TAPBPL: variants seen among roughly 807,000 people sequenced by gnomAD.
TAPBPL encodes the protein tapasin-related protein.
A neutral mutation model predicts 44.8 loss-of-function variants in TAPBPL; 32 were observed. The observed-to-expected ratio is 0.71, with a 90% CI of 0.54 to 0.96. The LOEUF is 0.96. TAPBPL is among the 40% of genes least tolerant of loss of function. The probability of loss-of-function intolerance (pLI) is 0.00; values close to 1 mark genes in which losing one functional copy is unlikely to be tolerated. For missense variants in TAPBPL, 520 were observed against 586.6 expected (o/e 0.89, Z 1.17); for synonymous variants, 230 against 240.7 (o/e 0.96, Z 0.41).
At chr12:6,457,799 G>T in intron 4 of TAPBPL, 55 bp downstream of exon 4, 1 of 1,467,606 alleles carries the variant, frequency 6.8e-7, no homozygotes, top group Non-Finnish European at 9.1e-7. Context: ...TCTACTGGGA[G>T]CGTTTCCAGA....
At chr12:6,455,760 CCT>C (rs1949687212) in intron 3 of TAPBPL, among the ~76,000 whole-genome samples, 2 of 121,154 alleles carry the variant, frequency 1.7e-5, no homozygotes, top group Middle Eastern at 4.1e-3. Context: ...AGAGCGAGAC[CCT>C]CTTTTTTTTT....
chr12:6,470,649 C>T (rs571477074), downstream of TAPBPL: 15 of 1,362,656 alleles, frequency 1.1e-5, no homozygotes, highest in Non-Finnish European at 1.5e-5. Context: ...CGCCGACTAC[C>T]CCGCGGTCTA....
intron 3 of TAPBPL, among the ~76,000 whole-genome samples, chr12:6,455,177 ATG>A (rs557906710): frequency 6.6e-6 from 1 of 152,094 alleles, no homozygotes; most frequent in Non-Finnish European, 1.5e-5. Flanking sequence ...CCGACTCCTC[ATG>A]TGTGTATATG....
In TAPBPL at chr12:6,457,458, C is replaced by T; in HGVS notation, c.618C>T (p.Ser206=). 6.2e-7 allele frequency: 1 copy of T among 1,614,178 alleles called. No homozygotes were observed. Among genetic ancestry groups the T allele is most frequent in the Non-Finnish European group, 8.5e-7 (1 of 1,179,992 alleles). ...AATCCCTGAGCTTCCTGCTGGGGTC[C>T]TCAGCCTCCTTGGACTGTGGCTTCT... ...QTQSLSFLLG[S]SASLDCGFSM... Residue 206 remains serine, a synonymous_variant, in exon 4 of 7, where the codon TCC becomes TCT. Transcript: ENST00000266556.
downstream of TAPBPL, chr12:6,470,533 T>C (rs760925723): frequency 1.2e-6 from 2 of 1,614,014 alleles, no homozygotes; most frequent in Non-Finnish European, 1.7e-6. Flanking sequence ...AACTCACATT[T>C]TTCTGACAGA....
At chr12:6,464,671 C>T (rs1949958753), downstream of TAPBPL, 4 of 1,470,384 alleles carry the variant, frequency 2.7e-6, no homozygotes, top group Middle Eastern at 2.4e-4. Flanking sequence ...GAACAGGAGG[C>T]GCCATCTCCC....
chr12:6,454,259 A>T (rs889184297), intron 3 of TAPBPL, among the ~76,000 whole-genome samples: 1 of 151,992 alleles, frequency 6.6e-6, no homozygotes, highest in Non-Finnish European at 1.5e-5. Flanking sequence ...ACCTGAGGTC[A>T]GGAGTTCAAG....
Position 6,452,300 on chromosome 12 carries a change from G to A in TAPBPL, c.52G>A (p.Ala18Thr). The A allele has an allele frequency of 1.9e-6, 3 of 1,575,218 alleles. No individual in the cohort carries two copies. Among genetic ancestry groups the A allele is most frequent in the Non-Finnish European group, 2.6e-6 (3 of 1,160,932 alleles). The change falls in exon 1 of 7, where the codon GCA becomes ACA. Residue 18 changes from alanine to threonine, a missense_variant. Coordinates refer to ENST00000266556, the MANE Select transcript of TAPBPL (RefSeq NM_018009.5). ...GCTGCTCTGCCTGGCTCTATCTGGA[G>A]CAGCAGAAACCAGTGAGTCTGGGAG... is the stretch of plus-strand genomic sequence containing the variant. ...CLLLCLALSG[A>T]AETKPHPAEG... is the part of the protein sequence containing the mutation.
At chr12:6,455,347 G>A (rs1458488787) in intron 3 of TAPBPL, among the ~76,000 whole-genome samples, 1 of 152,180 alleles carries the variant, frequency 6.6e-6, no homozygotes, top group Non-Finnish European at 1.5e-5. Context: ...ATCCTTCATA[G>A]TTACAAAGCC....
intron 1 of TAPBPL, 125 bp downstream of exon 1, chr12:6,452,437 C>A: frequency 2.1e-6 from 3 of 1,461,980 alleles, no homozygotes; most frequent in Non-Finnish European, 2.7e-6. Context: ...CTAAGCCCAA[C>A]AGGGGAAAGG....
At position 6,458,950 on chromosome 12, in the gene TAPBPL, A is replaced by T; in HGVS notation, c.1207+3A>T. 1 of 1,611,720 alleles carries T rather than the reference A, an allele frequency of 6.2e-7. No individual in the cohort carries two copies. The highest frequency in any genetic ancestry group is 8.5e-7 in the Non-Finnish European group (1 of 1,178,288). On this transcript the variant is annotated splice_donor_region_variant and intron_variant, in intron 5 of 6. Transcript: ENST00000266556. Reference sequence around the variant, plus strand: ...CAGCACCCAGGTTGTCCCACCAGGTACTGGGAGTGTCCTCCTTTTCCCCAC... The same window carrying T: ...CAGCACCCAGGTTGTCCCACCAGGTTCTGGGAGTGTCCTCCTTTTCCCCAC...
In TAPBPL at chr12:6,453,890, C is replaced by T. The variant is rs1949633866; in HGVS notation, c.565+174C>T. Among the ~76,000 whole-genome samples the T allele has an allele frequency of 6.6e-6, 1 of 151,702 alleles. No homozygotes were observed. On this transcript the variant is annotated intron_variant, in intron 3 of 6. Coordinates refer to ENST00000266556, the MANE Select transcript of TAPBPL (RefSeq NM_018009.5). The surrounding 1 kb of genome is among the most constrained non-coding windows in gnomAD (Gnocchi z 4.8). ...ATTAGCCGGGCATGGTGGCGGGTGC[C>T]TGTAATCCCAGCTACGAGGGAGGCT... is the stretch of plus-strand genomic sequence containing the variant.
rs140781840 is a variant in TAPBPL at position 6,453,173 on chromosome 12, G to A, written c.171G>A (p.Arg57=). Residue 57 remains arginine, a synonymous_variant, in exon 2 of 7, where the codon AGG becomes AGA. Coordinates refer to ENST00000266556, the MANE Select transcript of TAPBPL (RefSeq NM_018009.5). This position sits in a 1 kb window ranked among gnomAD's most constrained non-coding sequence, Gnocchi z 4.8. ...GAGCTCTCGCCAGCAGTGAGGACAG[G>A]GCAAGGGCCTCCCTTGTGCTGAAGC... ...HRGALASSED[R]ARASLVLKQV... 12 of 1,610,828 alleles carry A rather than the reference G, an allele frequency of 7.4e-6. No individual in the cohort carries two copies. The highest frequency in any genetic ancestry group is 1.0e-5 in the Non-Finnish European group (12 of 1,178,888).
downstream of TAPBPL, chr12:6,470,578 G>A (rs757568625): frequency 6.8e-6 from 11 of 1,613,318 alleles, no homozygotes; most frequent in East Asian, 2.0e-4. Flanking sequence ...GGAGGCTGCG[G>A]CGAGACACCC....
chr12:6,462,211 T>C lies in TAPBPL; in HGVS notation c.*62T>C. On this transcript the variant is annotated 3_prime_UTR_variant, in exon 7 of 7. Coordinates refer to ENST00000266556, the MANE Select transcript of TAPBPL (RefSeq NM_018009.5). ...CCCTTCCCCAAGCCCCCACAGCTAC[T>C]CCAACCCAAACAACAACCAAGCCAG... 1 of 1,427,726 alleles carries C rather than the reference T, an allele frequency of 7.0e-7. No individual in the cohort carries two copies. Among genetic ancestry groups the C allele is most frequent in the Non-Finnish European group, 9.5e-7 (1 of 1,048,016 alleles). The allele number at this position is 1,427,726 out of a possible 1,614,324, so 88.4% of individuals were successfully genotyped here. A position where few individuals can be genotyped will look rare whatever the true frequency, so the allele number is the denominator to read the frequency against.
At chr12:6,470,447 G>A, downstream of TAPBPL, 1 of 1,596,870 alleles carries the variant, frequency 6.3e-7, no homozygotes, top group Non-Finnish European at 8.6e-7. Context: ...GCTGCATTGC[G>A]CCATTTTCCG....
the TAPBPL span, among the ~76,000 whole-genome samples, chr12:6,471,585 T>A: frequency 6.6e-6 from 1 of 152,164 alleles, no homozygotes. This position sits in a 1 kb window ranked among gnomAD's most constrained non-coding sequence, Gnocchi z 4.0. Flanking sequence ...CCCAGCACTT[T>A]GGGAGGCCGA....
downstream of TAPBPL, chr12:6,465,467 G>GTATATATA (rs1949999836): frequency 3.8e-4 from 14 of 36,878 alleles, no homozygotes; most frequent in African/African-American, 2.1e-3. Flanking sequence ...TGTATATATA[G>GTATATATA]TGTGTGTGTG....
downstream of TAPBPL, among the ~76,000 whole-genome samples, chr12:6,465,544 G>A (rs1439504957): frequency 6.6e-6 from 1 of 151,150 alleles, no homozygotes; most frequent in Non-Finnish European, 1.5e-5. Context: ...CTGAGGATGA[G>A]ACAGGTGAAA....
Sources: allele counts gnomAD v4.1 joint callset (sites outside exome capture counted in the v4.1 genomes callset), GRCh38; gene constraint gnomAD v4.1.1; non-coding constraint Gnocchi (gnomAD v3.1); transcripts MANE v1.5; gene names NCBI Gene and HGNC (gene_info 2026-07-23, HGNC 2026-07-21).